Variants in NMD3 observed in about 807,000 individuals in gnomAD.
NMD3 encodes the protein NMD3 ribosome export adaptor.
A neutral mutation model predicts 73.1 loss-of-function variants in NMD3; 47 were observed. That is an observed-to-expected ratio of 0.64 (90% CI 0.51 to 0.82). NMD3 has a LOEUF of 0.82. Ranked by LOEUF, NMD3 falls within the 40% of genes least tolerant of loss-of-function variation. The pLI is 0.00. For synonymous variants in NMD3, 210 were observed against 194.5 expected (o/e 1.08, Z -0.66); for missense variants, 554 against 612.5 (o/e 0.90, Z 1.01).
intron 7 of NMD3, among the ~76,000 whole-genome samples, chr3:161,235,591 G>C (rs1214541125): frequency 2.6e-5 from 4 of 152,082 alleles, no homozygotes; most frequent in Non-Finnish European, 5.9e-5. Context: ...ACATTGAAAA[G>C]AGTTAGAAAG....
chr3:161,240,837 A>AT (rs35751107), intron 9 of NMD3, among the ~76,000 whole-genome samples: 30 of 148,002 alleles, frequency 2.0e-4, no homozygotes, highest in East Asian at 5.9e-4. Context: ...CTCAGCCAGG[A>AT]TTTTTTTTTT....
At chr3:161,241,869 A>G (rs1305122821) in intron 10 of NMD3, among the ~76,000 whole-genome samples, 3 of 152,076 alleles carry the variant, frequency 2.0e-5, no homozygotes, top group Admixed American at 2.0e-4. Context: ...ATTTTAACCA[A>G]TTTTGTTATT....
chr3:161,226,022 A>G (rs1206011525), intron 3 of NMD3, among the ~76,000 whole-genome samples: 1 of 152,188 alleles, frequency 6.6e-6, no homozygotes, highest in East Asian at 1.9e-4. Flanking sequence ...TAAAGAACTA[A>G]ACAGACTTAG....
chr3:161,252,103 G>T lies in NMD3; in HGVS notation c.*1193G>T, dbSNP rs989961522. The T allele has an allele frequency of 6.6e-6, 1 of 151,674 alleles. No individual in the cohort carries two copies. The highest frequency in any genetic ancestry group is 2.1e-4 in the South Asian group (1 of 4,806). 9.4% of individuals were successfully genotyped at this position (151,674 alleles called of 1,614,324 possible). Reference sequence around the variant, plus strand: ...AATTTTCTATAGTGGCTTCTTTTCTGTCTGCATATTTTGTTAAAATTGTGG... The same window carrying T: ...AATTTTCTATAGTGGCTTCTTTTCTTTCTGCATATTTTGTTAAAATTGTGG... On this transcript the variant is annotated 3_prime_UTR_variant, in exon 16 of 16. Coordinates refer to ENST00000351193, the MANE Select transcript of NMD3 (RefSeq NM_015938.5).
chr3:161,236,687 T>C (rs998529254), intron 7 of NMD3, among the ~76,000 whole-genome samples: 3 of 152,188 alleles, frequency 2.0e-5, no homozygotes, highest in Non-Finnish European at 4.4e-5. Context: ...TTTCAAGTGT[T>C]TTATAGTTTT....
rs563565499 is a variant in NMD3 at position 161,251,727 on chromosome 3, A to G, written c.*817A>G. On this transcript the variant is annotated 3_prime_UTR_variant, in exon 16 of 16. Coordinates refer to ENST00000351193, the MANE Select transcript of NMD3 (RefSeq NM_015938.5). ...AATTTTCTCTCTATAAGTTTCTGTC[A>G]TTGAACAGATCACCATTAAAAAGAA... 2 of 152,298 alleles carry G rather than the reference A, an allele frequency of 1.3e-5. No homozygotes were observed. Among genetic ancestry groups the G allele is most frequent in the African/African-American group, 4.8e-5 (2 of 41,564 alleles). 9.4% of individuals were successfully genotyped at this position (152,298 alleles called of 1,614,324 possible).
At chr3:161,242,209 C>G (rs1460308305) in intron 10 of NMD3, among the ~76,000 whole-genome samples, 1 of 152,026 alleles carries the variant, frequency 6.6e-6, no homozygotes, top group East Asian at 1.9e-4. Flanking sequence ...AGTGCCAGCA[C>G]GTGAAACAGC....
intron 4 of NMD3, among the ~76,000 whole-genome samples, chr3:161,232,981 A>T (rs1236905046): frequency 1.3e-5 from 2 of 152,182 alleles, no homozygotes; most frequent in Non-Finnish European, 2.9e-5. Flanking sequence ...GTCACTTCTT[A>T]AAAAAAGTCA....
chr3:161,247,616 G>C (rs1737275649), intron 13 of NMD3, among the ~76,000 whole-genome samples: 1 of 151,554 alleles, frequency 6.6e-6, no homozygotes, highest in Non-Finnish European at 1.5e-5. Context: ...GAGAAACCCT[G>C]TCTCTATTAA....
At chr3:161,226,588 A>G (rs1163150363) in intron 3 of NMD3, among the ~76,000 whole-genome samples, 1 of 152,246 alleles carries the variant, frequency 6.6e-6, no homozygotes, top group African/African-American at 2.4e-5. Flanking sequence ...AGACATTCAC[A>G]TAACATGTTT....
chr3:161,235,211 T>C lies in NMD3; in HGVS notation c.576T>C (p.His192=). Residue 192 remains histidine, a splice_region_variant and synonymous_variant, in exon 7 of 16, where the codon CAT becomes CAC. Coordinates refer to ENST00000351193, the MANE Select transcript of NMD3 (RefSeq NM_015938.5). ...HQNTLRIKEI[H]DGLDFYYSSK... Reference sequence around the variant, plus strand: ...ATACACTTCGTATCAAAGAGATTCATGGTGAGTTAAAACTCAAAAGCATTT... The same window carrying C: ...ATACACTTCGTATCAAAGAGATTCACGGTGAGTTAAAACTCAAAAGCATTT... 6.9e-7 allele frequency: 1 copy of C among 1,452,470 alleles called. No individual in the cohort carries two copies. Among genetic ancestry groups the C allele is most frequent in the South Asian group, 1.2e-5 (1 of 80,866 alleles). The allele number at this position is 1,452,470 out of a possible 1,614,324, so 90.0% of individuals were successfully genotyped here. A position where few individuals can be genotyped will look rare whatever the true frequency, so the allele number is the denominator to read the frequency against.
Position 161,225,044 on chromosome 3 carries a change from G to C in NMD3, c.159G>C (p.Ser53=), listed in dbSNP as rs151239262. The C allele has an allele frequency of 1.9e-6, 3 of 1,613,464 alleles. No homozygotes were observed. Among genetic ancestry groups the C allele is most frequent in the African/African-American group, 2.7e-5 (2 of 74,814 alleles). The change falls in exon 3 of 16, where the codon TCG becomes TCC. Residue 53 remains serine, a synonymous_variant. Coordinates refer to ENST00000351193, the MANE Select transcript of NMD3 (RefSeq NM_015938.5). The stretch of plus-strand genomic sequence containing the variant: ...GTATTCCGAAACAAGTCTCGATTTC[G>C]TTCTGCAAACAATGTCAAAGGTACA... ...SQGIPKQVSI[S]FCKQCQRYFQ...
At position 161,252,064 on chromosome 3, in the gene NMD3, T is replaced by C. The variant is rs1737509004; in HGVS notation, c.*1154T>C. ...ATTGGACTTTCCAATTTTGAAATTA[T>C]GGATAAAGTCCTAAATTTTCTATAG... On this transcript the variant is annotated 3_prime_UTR_variant, in exon 16 of 16. Transcript: ENST00000351193. 1 of 152,210 alleles carries C rather than the reference T, an allele frequency of 6.6e-6. No homozygotes were observed. The highest frequency in any genetic ancestry group is 1.5e-5 in the Non-Finnish European group (1 of 68,040). The allele number at this position is 152,210 out of a possible 1,614,324, so 9.4% of individuals were successfully genotyped here.
Position 161,247,278 on chromosome 3 carries a change from A to G in NMD3, c.1151A>G (p.Asn384Ser). ...TTCAGGTTTGATTTGGCCAACTGTA[A>G]CTTAAATGATGAGCATGTCAACAAA... ...LVLGFDLANC[N>S]LNDEHVNKMN... Residue 384 changes from asparagine to serine, a missense_variant, in exon 13 of 16, where the codon AAC (asparagine) becomes AGC (serine). Transcript: ENST00000351193. 2 of 1,611,200 alleles carry G rather than the reference A, an allele frequency of 1.2e-6. No individual in the cohort carries two copies. Among genetic ancestry groups the G allele is most frequent in the Non-Finnish European group, 1.7e-6 (2 of 1,177,612 alleles).
At chr3:161,245,320 C>T (rs1204292257) in intron 11 of NMD3, among the ~76,000 whole-genome samples, 1 of 151,650 alleles carries the variant, frequency 6.6e-6, no homozygotes, top group African/African-American at 2.4e-5. Flanking sequence ...GTATCATTTC[C>T]CTTCAGGCAG....
At chr3:161,252,622 A>G (rs1737533969), downstream of NMD3, 3 of 469,274 alleles carry the variant, frequency 6.4e-6, no homozygotes, top group Non-Finnish European at 1.1e-5. Context: ...CATACTCAAG[A>G]GTCTTGTGGG....
chr3:161,232,652 G>A (rs1035340313), intron 4 of NMD3, among the ~76,000 whole-genome samples: 2 of 152,206 alleles, frequency 1.3e-5, no homozygotes, highest in South Asian at 2.1e-4. Flanking sequence ...AAATCTTACA[G>A]ATTTTTTTTC....
At chr3:161,242,778 G>T in intron 11 of NMD3, 125 bp downstream of exon 11, 1 of 723,482 alleles carries the variant, frequency 1.4e-6, no homozygotes, top group Non-Finnish European at 2.1e-6. Context: ...CACCACATTA[G>T]GAAAAAAATT....
chr3:161,252,990 G>A (rs970278703), downstream of NMD3: 10 of 346,624 alleles, frequency 2.9e-5, no homozygotes, highest in African/African-American at 8.6e-5. Flanking sequence ...CCAGCTACTC[G>A]GGACGCTGAG....
Sources: allele counts gnomAD v4.1 joint callset (sites outside exome capture counted in the v4.1 genomes callset), GRCh38; gene constraint gnomAD v4.1.1; transcripts MANE v1.5; gene names NCBI Gene and HGNC (gene_info 2026-07-23, HGNC 2026-07-21).